PVT1: variants seen among roughly 807,000 people sequenced by gnomAD.
The protein encoded by PVT1 is Pvt1 oncogene.
At chr8:127,897,294 G>T (rs1194813494) in intron 3 of PVT1, among the ~76,000 whole-genome samples, 1 of 152,110 alleles carries the variant, frequency 6.6e-6, no homozygotes, top group African/African-American at 2.4e-5. Flanking sequence ...TCCCTACAGC[G>T]CCTGGTCAGA....
chr8:127,986,692 G>GT (rs370606668), intron 3 of PVT1, among the ~76,000 whole-genome samples: 275 of 152,326 alleles, frequency 1.8e-3, no homozygotes, highest in African/African-American at 6.3e-3. Flanking sequence ...CAGGTTCAGT[G>GT]TTTTGAGGTG....
intron 3 of PVT1, among the ~76,000 whole-genome samples, chr8:127,911,471 G>A (rs1397459796): frequency 3.3e-5 from 5 of 152,224 alleles, no homozygotes; most frequent in Non-Finnish European, 4.4e-5. Context: ...GGCCCCAGCC[G>A]GTGAATCACT....
At chr8:128,028,338 G>A (rs17789792) in intron 4 of PVT1, among the ~76,000 whole-genome samples, 5,444 of 152,326 alleles carry the variant, frequency 0.036, 137 homozygotes, top group Non-Finnish European at 0.052. Flanking sequence ...TGGGTATTGC[G>A]TCCAGGGCCA....
At chr8:128,080,197 A>G (rs1814158636) in intron 5 of PVT1, among the ~76,000 whole-genome samples, 1 of 152,210 alleles carries the variant, frequency 6.6e-6, no homozygotes, top group African/African-American at 2.4e-5. Context: ...TGCTATAAAC[A>G]TTTGTGTGTA....
intron 2 of PVT1, among the ~76,000 whole-genome samples, chr8:127,850,899 G>A (rs1815100182): frequency 6.6e-6 from 1 of 151,904 alleles, no homozygotes; most frequent in Non-Finnish European, 1.5e-5. Context: ...TCCAGCTACT[G>A]GGGAGGCTGA....
At chr8:127,799,096 T>C (rs929721699) in intron 2 of PVT1, among the ~76,000 whole-genome samples, 6 of 152,016 alleles carry the variant, frequency 3.9e-5, no homozygotes, top group African/African-American at 1.5e-4. Context: ...TTTTTTTTCC[T>C]TTATCTTTTC....
chr8:127,997,044 G>GTTTTTTTTGTT (rs1817113172), intron 4 of PVT1, among the ~76,000 whole-genome samples: 1 of 81,590 alleles, frequency 1.2e-5, no homozygotes, highest in Non-Finnish European at 2.2e-5. Flanking sequence ...ATTTGCTTTC[G>GTTTTTTTTGTT]TTTTTTTTTT....
At chr8:127,999,291 C>T (rs924087376) in intron 4 of PVT1, 1 of 151,924 alleles carries the variant, frequency 6.6e-6, no homozygotes. Flanking sequence ...TACACTTTTC[C>T]CTGTAAAAAT....
intron 4 of PVT1, among the ~76,000 whole-genome samples, chr8:127,990,836 T>C (rs549538357): frequency 6.6e-6 from 1 of 152,322 alleles, no homozygotes; most frequent in African/African-American, 2.4e-5. Context: ...GGATACTACA[T>C]ACTCCCTAGG....
intron 5 of PVT1, among the ~76,000 whole-genome samples, chr8:128,087,747 C>CTTTTTTTTTTTTTTTTTTTT (rs71568675): frequency 1.6e-4 from 12 of 76,588 alleles, no homozygotes; most frequent in African/African-American, 5.9e-4. Flanking sequence ...TGATGTGCTA[C>CTTTTTTTTTTTTTTTTTTTT]TTTTTTTTTT....
Position 127,828,153 on chromosome 8 carries a change from G to T in PVT1, n.372+32082G>T, listed in dbSNP as rs560933307. ...ACAGAAGGCTATGTGCTTTCTGGCA[G>T]GTTACACCTGGGTACATTTCAGTCA... is the stretch of plus-strand genomic sequence containing the variant. On this transcript the variant is annotated intron_variant and non_coding_transcript_variant, in intron 2 of 10. Coordinates refer to ENST00000651587, the Ensembl canonical transcript of PVT1. 2.6e-5 allele frequency among the ~76,000 whole-genome samples: 4 copies of T among 152,318 alleles called. No individual in the cohort carries two copies. The South Asian group carries it at 6.2e-4, about 24-fold the overall frequency.
At chr8:128,094,803 T>A (rs541549173) in intron 5 of PVT1, among the ~76,000 whole-genome samples, 31 of 152,334 alleles carry the variant, frequency 2.0e-4, no homozygotes, top group African/African-American at 6.7e-4. Context: ...ACCAGTACCA[T>A]GCCCATACCA....
rs572760426 is a variant in PVT1, at chr8:128,017,024, G to A, written n.912+27733G>A. Among the ~76,000 whole-genome samples, 14 of 152,286 alleles carry A rather than the reference G, an allele frequency of 9.2e-5. No individual in the cohort carries two copies. The East Asian group carries it at 2.7e-3, about 29-fold the overall frequency. ...AACACAGCAAGACCCTGTCTCAAAA[G>A]AAAAAGAAAAGTTTCCAAGATGGTG... On this transcript the variant is annotated intron_variant and non_coding_transcript_variant, in intron 4 of 10. Transcript: ENST00000651587.
At position 127,914,770 on chromosome 8, in the gene PVT1, G is replaced by A. The variant is rs1815960326; in HGVS notation, n.782+23772G>A. On this transcript the variant is annotated intron_variant and non_coding_transcript_variant, in intron 3 of 10. Transcript: ENST00000651587. ...ACAGAAAGCAGATTAATGGTTGCTG[G>A]GGGCCATGGGGAGTAGCTGCTTAAT... 2.0e-5 allele frequency among the ~76,000 whole-genome samples: 3 copies of A among 151,592 alleles called. No homozygotes were observed. In the South Asian group the frequency reaches 6.2e-4, roughly 32 times the overall value.
chr8:127,815,892 A>G (rs1040337574), intron 2 of PVT1, among the ~76,000 whole-genome samples: 1 of 152,156 alleles, frequency 6.6e-6, no homozygotes, highest in African/African-American at 2.4e-5. Flanking sequence ...TTGGGAGGCC[A>G]AGGTGGGCAG....
chr8:127,832,660 C>T (rs938818364), intron 2 of PVT1, among the ~76,000 whole-genome samples: 1 of 152,120 alleles, frequency 6.6e-6, no homozygotes, highest in African/African-American at 2.4e-5. Context: ...AGATAGAGAC[C>T]ATCCTGGCTA....
intron 4 of PVT1, among the ~76,000 whole-genome samples, chr8:128,007,398 T>C (rs1817259930): frequency 6.6e-6 from 1 of 151,718 alleles, no homozygotes; most frequent in Non-Finnish European, 1.5e-5. Context: ...TCTTACTTTG[T>C]ACATCTGAAA....
Position 127,898,668 on chromosome 8 carries a change from C to T in PVT1, n.782+7670C>T, listed in dbSNP as rs1432989743. Among the ~76,000 whole-genome samples the T allele has an allele frequency of 6.6e-6, 1 of 152,210 alleles. No individual in the cohort carries two copies. The highest frequency in any genetic ancestry group is 1.9e-4 in the East Asian group (1 of 5,206). On this transcript the variant is annotated intron_variant and non_coding_transcript_variant, in intron 3 of 10. Coordinates refer to ENST00000651587, the Ensembl canonical transcript of PVT1. This position sits in a 1 kb window ranked among gnomAD's most constrained non-coding sequence, Gnocchi z 4.4. Reference sequence around the variant, plus strand: ...ACCTGTATTCCAGTGGCCCTGGTGGCTCTCTTCCCTCTCACCTTCCCAGGA... The same window carrying T: ...ACCTGTATTCCAGTGGCCCTGGTGGTTCTCTTCCCTCTCACCTTCCCAGGA...
intron 5 of PVT1, among the ~76,000 whole-genome samples, chr8:128,083,990 C>T (rs1563683032): frequency 6.6e-6 from 1 of 152,182 alleles, no homozygotes; most frequent in East Asian, 1.9e-4. Flanking sequence ...CTTTTTACCC[C>T]CTACTTACCT....
Sources: gnomAD v4.1 joint callset for allele counts (sites outside exome capture counted in the v4.1 genomes callset) on GRCh38, gnomAD v4.1.1 for gene constraint, Gnocchi (gnomAD v3.1) non-coding constraint, MANE v1.5 for transcripts, NCBI Gene and HGNC (gene_info 2026-07-23, HGNC 2026-07-21) for gene names.